CDH13: variants seen among roughly 807,000 people sequenced by gnomAD.
CDH13 encodes cadherin-13.
In CDH13, 24 loss-of-function variants were observed where a neutral mutation model predicts 63.8. The observed-to-expected ratio is 0.38, with a 90% CI of 0.27 to 0.53. The LOEUF is 0.53. CDH13 is among the 20% of genes least tolerant of loss of function. CDH13 has a pLI of 0.85. For synonymous variants in CDH13, 503 were observed against 355.3 expected (o/e 1.42, Z -4.67); for missense variants, 1,049 against 903.1 (o/e 1.16, Z -2.07).
intron 1 of CDH13, among the ~76,000 whole-genome samples, chr16:82,765,688 T>G (rs990407589): frequency 2.0e-5 from 3 of 152,178 alleles, no homozygotes; most frequent in Non-Finnish European, 4.4e-5. Flanking sequence ...GAGGCATAAT[T>G]GCTAATTTTC....
chr16:83,240,247 G>A (rs1375470976), intron 5 of CDH13, among the ~76,000 whole-genome samples: 1 of 152,142 alleles, frequency 6.6e-6, no homozygotes, highest in Non-Finnish European at 1.5e-5. Context: ...GTCAAAGTGG[G>A]CTTAGCATGT....
At chr16:83,377,724 A>G (rs1209452051) in intron 6 of CDH13, among the ~76,000 whole-genome samples, 4 of 152,228 alleles carry the variant, frequency 2.6e-5, no homozygotes, top group Non-Finnish European at 4.4e-5. Context: ...CCATTTCTTG[A>G]GAACTGTAAC....
At chr16:83,388,431 C>T (rs2091721094) in intron 6 of CDH13, among the ~76,000 whole-genome samples, 1 of 152,028 alleles carries the variant, frequency 6.6e-6, no homozygotes, top group Non-Finnish European at 1.5e-5. Context: ...CCAGCTTGGC[C>T]AACAGTAAGA....
At chr16:83,468,361 A>G (rs77022834) in intron 6 of CDH13, among the ~76,000 whole-genome samples, 3,867 of 152,292 alleles carry the variant, frequency 0.025, 167 homozygotes, top group African/African-American at 0.087. Context: ...GATAGCTACC[A>G]AAGCTGCATA....
chr16:83,252,394 A>C (rs529045288), intron 5 of CDH13, among the ~76,000 whole-genome samples: 11 of 152,144 alleles, frequency 7.2e-5, no homozygotes, highest in African/African-American at 2.4e-4. Flanking sequence ...ATAACTTCCT[A>C]ATGAATGCAA....
At chr16:83,101,951 C>A (rs146253812) in intron 3 of CDH13, among the ~76,000 whole-genome samples, 2 of 152,258 alleles carry the variant, frequency 1.3e-5, no homozygotes, top group Non-Finnish European at 2.9e-5. Context: ...AATGTGTTAC[C>A]TTATATGGCC....
At position 83,779,974 on chromosome 16, in the gene CDH13, C is replaced by A; in HGVS notation, c.1688C>A (p.Pro563His). The A allele has an allele frequency of 6.2e-7, 1 of 1,607,162 alleles. No homozygotes were observed. ...TCTTCCCTTTTTCCCACAGGCAACC[C>A]TCCCGCTACGGGCACTGGGACTTTG... The part of the protein sequence containing the change: ...ALFLAIDSGN[P>H]PATGTGTLLI... Residue 563 changes from proline (P) to histidine (H), a missense_variant, in exon 12 of 14, where the codon CCT (proline) becomes CAT (histidine). Coordinates refer to ENST00000567109, the MANE Select transcript of CDH13 (RefSeq NM_001257.5).
At chr16:83,511,567 A>G (rs148910980) in intron 7 of CDH13, among the ~76,000 whole-genome samples, 217 of 152,346 alleles carry the variant, frequency 1.4e-3, no homozygotes, top group African/African-American at 5.1e-3. Flanking sequence ...GTGAGTTATA[A>G]TCTCAGAGTG....
intron 1 of CDH13, among the ~76,000 whole-genome samples, chr16:82,653,931 AC>A (rs1281370211): frequency 7.9e-5 from 12 of 152,156 alleles, no homozygotes; most frequent in Non-Finnish European, 1.6e-4. Flanking sequence ...GAGATATAGC[AC>A]AACAGATAAG....
At chr16:83,440,444 G>A (rs762442361) in intron 6 of CDH13, among the ~76,000 whole-genome samples, 7 of 152,210 alleles carry the variant, frequency 4.6e-5, no homozygotes, top group Non-Finnish European at 7.4e-5. Context: ...TGAATCAGTC[G>A]TGGGGAGGAG....
intron 1 of CDH13, among the ~76,000 whole-genome samples, chr16:82,806,033 G>T (rs901128112): frequency 2.0e-5 from 3 of 152,148 alleles, no homozygotes; most frequent in African/African-American, 7.2e-5. Context: ...TGGCAGGTGG[G>T]AGGCACTCTG....
chr16:82,779,641 G>A (rs1308578958), intron 1 of CDH13, among the ~76,000 whole-genome samples: 1 of 152,188 alleles, frequency 6.6e-6, no homozygotes, highest in Non-Finnish European at 1.5e-5. Flanking sequence ...TAATTTACCT[G>A]TAACCGACAG....
In CDH13 at chr16:83,445,848, G is replaced by A. The variant is rs547492866; in HGVS notation, c.782-40629G>A. Among the ~76,000 whole-genome samples, 18 of 152,256 alleles carry A rather than the reference G, an allele frequency of 1.2e-4. No homozygotes were observed. In the East Asian group the frequency reaches 3.5e-3, roughly 29 times the overall value. On this transcript the variant is annotated intron_variant, in intron 6 of 13. Coordinates refer to ENST00000567109, the MANE Select transcript of CDH13 (RefSeq NM_001257.5). ...AGTCTTCCTCAAGTAGGTACTTGGG[G>A]AGATACTGAAGTAGGAGGAAGATGA...
intron 8 of CDH13, among the ~76,000 whole-genome samples, chr16:83,619,908 G>A (rs950587125): frequency 2.6e-5 from 4 of 152,174 alleles, no homozygotes; most frequent in African/African-American, 4.8e-5. Flanking sequence ...GCGTCCGTGG[G>A]AAGACCCCGG....
chr16:83,308,940 C>T (rs1459969051), intron 5 of CDH13, among the ~76,000 whole-genome samples: 2 of 152,178 alleles, frequency 1.3e-5, no homozygotes, highest in Non-Finnish European at 2.9e-5. Flanking sequence ...CAAGAACATT[C>T]AGATGAAGGG....
chr16:83,650,753 A>C (rs1456978448), intron 8 of CDH13, among the ~76,000 whole-genome samples: 1 of 152,172 alleles, frequency 6.6e-6, no homozygotes, highest in Non-Finnish European at 1.5e-5. Context: ...AAGTGAGATT[A>C]GGATTACGAT....
intron 6 of CDH13, among the ~76,000 whole-genome samples, chr16:83,412,230 G>A (rs1449639230): frequency 2.0e-5 from 3 of 152,246 alleles, no homozygotes; most frequent in Non-Finnish European, 4.4e-5. Flanking sequence ...GGGAGGCCAA[G>A]GCTGATGGAT....
intron 7 of CDH13, among the ~76,000 whole-genome samples, chr16:83,570,091 C>T (rs1468726448): frequency 6.6e-6 from 1 of 152,146 alleles, no homozygotes; most frequent in East Asian, 1.9e-4. Flanking sequence ...ACTTAGGTCC[C>T]TGGTCCTGTG....
At chr16:82,672,547 C>T (rs1913377653) in intron 1 of CDH13, among the ~76,000 whole-genome samples, 2 of 152,118 alleles carry the variant, frequency 1.3e-5, no homozygotes, top group Non-Finnish European at 2.9e-5. Context: ...TGGCTCTTCC[C>T]TCCACTCTTC....
Sources: gnomAD v4.1 joint callset for allele counts (sites outside exome capture counted in the v4.1 genomes callset) on GRCh38, gnomAD v4.1.1 for gene constraint, MANE v1.5 for transcripts, NCBI Gene and HGNC (gene_info 2026-07-23, HGNC 2026-07-21) for gene names.